Variants in ATP2A2 observed in about 807,000 individuals in gnomAD.
The protein encoded by ATP2A2 is sarcoplasmic/endoplasmic reticulum calcium ATPase 2.
ATP2A2 carries 14 observed loss-of-function variants against 109.3 expected under a neutral mutation model. The observed-to-expected ratio is 0.13, with a 90% CI of 0.08 to 0.20. ATP2A2 has a LOEUF of 0.20. Ranked by LOEUF, ATP2A2 falls within the 10% of genes least tolerant of loss-of-function variation. The pLI, the probability that ATP2A2 is intolerant of heterozygous loss-of-function variation, is 1.00. For synonymous variants in ATP2A2, 506 were observed against 490.9 expected (o/e 1.03, Z -0.41); for missense variants, 657 against 1,321.6 (o/e 0.50, Z 7.80).
In ATP2A2 at chr12:110,344,914, T is replaced by G. The variant is rs971645069; in HGVS notation, c.2550T>G (p.Ala850=). The part of the protein sequence containing the change: ...GCYVGAATVG[A]AAWWFIAADG... Reference sequence around the variant, plus strand: ...ACGTCGGCGCTGCTACCGTGGGTGCTGCTGCATGGTGGTTCATTGCTGCTG... The same window carrying G: ...ACGTCGGCGCTGCTACCGTGGGTGCGGCTGCATGGTGGTTCATTGCTGCTG... Residue 850 remains alanine (A), a synonymous_variant, in exon 17 of 20, where the codon GCT becomes GCG. Coordinates refer to ENST00000539276, the MANE Select transcript of ATP2A2 (RefSeq NM_170665.4). 127 of 1,614,110 alleles carry G rather than the reference T, an allele frequency of 7.9e-5. No individual in the cohort carries two copies. The highest frequency in any genetic ancestry group is 1.1e-4 in the Non-Finnish European group (125 of 1,180,050).
Position 110,282,593 on chromosome 12 carries a change from A to G in ATP2A2, c.119-11A>G, listed in dbSNP as rs745965988. ...TTGACACATTGCTTGACGAATTTCT[A>G]CATTCTACAGAGTTACCGGCTGAAG... On this transcript the variant is annotated splice_polypyrimidine_tract_variant and intron_variant, in intron 1 of 19. Coordinates refer to ENST00000539276, the MANE Select transcript of ATP2A2 (RefSeq NM_170665.4). 3 of 1,613,760 alleles carry G rather than the reference A, an allele frequency of 1.9e-6. No individual in the cohort carries two copies. Among genetic ancestry groups the G allele is most frequent in the Non-Finnish European group, 2.5e-6 (3 of 1,179,950 alleles).
chr12:110,349,998 C>CT lies in ATP2A2; in HGVS notation c.*3531dup. The CT allele has an allele frequency of 7.5e-7, 1 of 1,335,064 alleles. No individual in the cohort carries two copies. The highest frequency in any genetic ancestry group is 9.6e-7 in the Non-Finnish European group (1 of 1,039,126). 82.7% of individuals were successfully genotyped at this position (1,335,064 alleles called of 1,614,324 possible). On this transcript the variant is annotated 3_prime_UTR_variant, in exon 20 of 20. Coordinates refer to ENST00000539276, the MANE Select transcript of ATP2A2 (RefSeq NM_170665.4). ...CCTTGTCCTCTTGCCTGTCTCGCTG[C>CT]TTTCACAGCTGCAACGATTGTGTCT...
chr12:110,348,335 T>C lies in ATP2A2; in HGVS notation c.*1865T>C. 1 of 985,120 alleles carries C rather than the reference T, an allele frequency of 1.0e-6. No individual in the cohort carries two copies. Among genetic ancestry groups the C allele is most frequent in the Middle Eastern group, 5.2e-4 (1 of 1,914 alleles). The allele number at this position is 985,120 out of a possible 1,614,324, so 61.0% of individuals were successfully genotyped here. A position where few individuals can be genotyped will look rare whatever the true frequency, so the allele number is the denominator to read the frequency against. On this transcript the variant is annotated 3_prime_UTR_variant, in exon 20 of 20. Coordinates refer to ENST00000539276, the MANE Select transcript of ATP2A2 (RefSeq NM_170665.4). ...TCTGCAGGGGATGTTAAAGCACAGT[T>C]AGTAGGACGTGGCTCTGCACAGCCC...
chr12:110,318,562 C>T (rs966523690), intron 5 of ATP2A2, among the ~76,000 whole-genome samples: 3 of 152,188 alleles, frequency 2.0e-5, no homozygotes, highest in African/African-American at 2.4e-5. Context: ...CAACCTCCGC[C>T]TCCAAGGCTC....
At position 110,327,600 on chromosome 12, in the gene ATP2A2, T is replaced by C. The variant is rs778661160; in HGVS notation, c.678T>C (p.Thr226=). 6.2e-7 allele frequency: 1 copy of C among 1,614,070 alleles called. No homozygotes were observed. The highest frequency in any genetic ancestry group is 8.5e-7 in the Non-Finnish European group (1 of 1,179,994). ...AGKAMGVVVA[T]GVNTEIGKIR... is the part of the protein sequence containing the mutation. ...AAGCTATGGGAGTGGTGGTAGCAAC[T>C]GGAGTTAACACCGAAATTGGCAAGA... Residue 226 remains threonine (T), a synonymous_variant, in exon 8 of 20, where the codon ACT becomes ACC. Transcript: ENST00000539276. The surrounding 1 kb of genome is among the most constrained non-coding windows in gnomAD (Gnocchi z 4.4).
chr12:110,329,722 A>G (rs963881189), intron 8 of ATP2A2: 1 of 152,172 alleles, frequency 6.6e-6, no homozygotes, highest in Admixed American at 6.6e-5. Context: ...GCGCCCGGCC[A>G]TCCTATATTT....
chr12:110,344,848 A>G (rs769350689), intron 16 of ATP2A2, 38 bp from the exon 17 acceptor site: 13 of 1,600,052 alleles, frequency 8.1e-6, no homozygotes, highest in Admixed American at 1.7e-5. Flanking sequence ...CGAGCCCTGC[A>G]GAGGCAAGTG....
chr12:110,345,185 G>A (rs1244452608), intron 17 of ATP2A2, 64 bp from the exon 18 acceptor site: 2 of 1,611,958 alleles, frequency 1.2e-6, no homozygotes, highest in Non-Finnish European at 1.7e-6. Flanking sequence ...GCTTGGTATG[G>A]GGTTGGAGCC....
At chr12:110,304,123 G>A (rs999602470) in intron 5 of ATP2A2, among the ~76,000 whole-genome samples, 1 of 152,084 alleles carries the variant, frequency 6.6e-6, no homozygotes, top group African/African-American at 2.4e-5. Context: ...GTTACATTTC[G>A]TTCATGAATA....
At chr12:110,282,874 C>T (rs968305848) in intron 3 of ATP2A2, 79 bp downstream of exon 3, 3 of 1,197,372 alleles carry the variant, frequency 2.5e-6, no homozygotes, top group Admixed American at 3.9e-5. Flanking sequence ...CAAATGATGT[C>T]CATTGGGTGA....
chr12:110,349,014 C>T lies in ATP2A2; in HGVS notation c.*2544C>T. ...TTGAGTAGTGTGTGGCCTGCTGTCG[C>T]ACAGCCCCTAGTTAGCTTCATGGTT... is the stretch of plus-strand genomic sequence containing the variant. On this transcript the variant is annotated 3_prime_UTR_variant, in exon 20 of 20. Coordinates refer to ENST00000539276, the MANE Select transcript of ATP2A2 (RefSeq NM_170665.4). 1.0e-6 allele frequency: 1 copy of T among 985,446 alleles called. No individual in the cohort carries two copies. The allele number at this position is 985,446 out of a possible 1,614,324, so 61.0% of individuals were successfully genotyped here.
At chr12:110,329,812 T>C (rs1435079252) in intron 8 of ATP2A2, 2 of 152,266 alleles carry the variant, frequency 1.3e-5, no homozygotes, top group Non-Finnish European at 2.9e-5. Context: ...GCAATAATTA[T>C]ACAGCTGGAT....
chr12:110,307,337 C>T (rs1331507912), intron 5 of ATP2A2, among the ~76,000 whole-genome samples: 1 of 151,282 alleles, frequency 6.6e-6, no homozygotes, highest in Admixed American at 6.6e-5. Flanking sequence ...CTCTAGTGAC[C>T]CTCCCACCTG....
intron 5 of ATP2A2, among the ~76,000 whole-genome samples, chr12:110,315,802 G>A (rs983907592): frequency 1.3e-5 from 2 of 152,196 alleles, no homozygotes; most frequent in African/African-American, 2.4e-5. Flanking sequence ...TTAGCCGGCC[G>A]CATCGGCACA....
chr12:110,343,996 A>G (rs1261608212), intron 16 of ATP2A2, among the ~76,000 whole-genome samples: 2 of 152,112 alleles, frequency 1.3e-5, no homozygotes, highest in African/African-American at 2.4e-5. Flanking sequence ...TTCAAAAAGC[A>G]CACAATGGCA....
At chr12:110,324,320 A>C (rs369254760) in intron 6 of ATP2A2, among the ~76,000 whole-genome samples, 19 of 152,336 alleles carry the variant, frequency 1.2e-4, no homozygotes, top group East Asian at 9.6e-4. Flanking sequence ...CATTAGCAAC[A>C]ACAAGCTGGA....
intron 5 of ATP2A2, among the ~76,000 whole-genome samples, chr12:110,310,809 AAAACTTTCAATTTAAAGGAAGG>A (rs2137765688): frequency 6.6e-6 from 1 of 152,366 alleles, no homozygotes; most frequent in South Asian, 2.1e-4. Context: ...TTAAAGGAAG[AAAACTTTCAATTTAAAGGAAGG>A]AAACTTTTAC....
intron 5 of ATP2A2, among the ~76,000 whole-genome samples, chr12:110,317,054 C>T (rs1023321112): frequency 2.0e-5 from 3 of 152,118 alleles, no homozygotes; most frequent in Admixed American, 2.0e-4. Flanking sequence ...CCCTGTTCAC[C>T]GTGAGGCCTG....
chr12:110,291,963 T>A lies in ATP2A2; in HGVS notation c.220-57T>A. On this transcript the variant is annotated intron_variant, in intron 3 of 19. Coordinates refer to ENST00000539276, the MANE Select transcript of ATP2A2 (RefSeq NM_170665.4). Reference sequence around the variant, plus strand: ...TGCTCGGCCAGTGCTAGCCACTTTTTAAAAAAGTGACATTAAGCCTAAAAA... The same window carrying A: ...TGCTCGGCCAGTGCTAGCCACTTTTAAAAAAAGTGACATTAAGCCTAAAAA... The A allele has an allele frequency of 2.0e-6, 3 of 1,511,930 alleles. No homozygotes were observed. In the South Asian group the frequency reaches 3.4e-5, roughly 17 times the overall value. The allele number at this position is 1,511,930 out of a possible 1,614,324, so 93.7% of individuals were successfully genotyped here.
Sources: allele counts gnomAD v4.1 joint callset (sites outside exome capture counted in the v4.1 genomes callset), GRCh38; gene constraint gnomAD v4.1.1; non-coding constraint Gnocchi (gnomAD v3.1); transcripts MANE v1.5; gene names NCBI Gene and HGNC (gene_info 2026-07-23, HGNC 2026-07-21).